The following LIN52 variants were observed in gnomAD, a reference collection of about 807,000 sequenced individuals.
LIN52 encodes lin-52 DREAM MuvB core complex component.
LIN52 carries 4 observed loss-of-function variants against 18.5 expected under a neutral mutation model. That is an observed-to-expected ratio of 0.22 (90% CI 0.11 to 0.49). LIN52 has a LOEUF of 0.49. LIN52 is among the 20% of genes least tolerant of loss of function. LIN52 has a pLI of 0.97. For synonymous variants in LIN52, 34 were observed against 45.5 expected, an observed-to-expected ratio of 0.75 and a Z score of 1.02; for missense variants, 102 against 139.5, an observed-to-expected ratio of 0.73 and a Z score of 1.35.
At chr14:74,179,949 C>A (rs2061311034) in intron 5 of LIN52, among the ~76,000 whole-genome samples, 1 of 152,164 alleles carries the variant, frequency 6.6e-6, no homozygotes, top group Non-Finnish European at 1.5e-5. Flanking sequence ...AACCATGGAT[C>A]CTGTGCTCAA....
At chr14:74,176,821 C>T (rs1471012177) in intron 5 of LIN52, among the ~76,000 whole-genome samples, 1 of 152,192 alleles carries the variant, frequency 6.6e-6, no homozygotes, top group African/African-American at 2.4e-5. Context: ...AACTCCATAT[C>T]CATTTGAGTC....
intron 5 of LIN52, among the ~76,000 whole-genome samples, chr14:74,177,513 C>T (rs1445432080): frequency 6.6e-6 from 1 of 152,170 alleles, no homozygotes; most frequent in Non-Finnish European, 1.5e-5. Flanking sequence ...GTCACTCAAC[C>T]ATTCATTAGT....
chr14:74,130,295 T>TTTC (rs1315000657), intron 5 of LIN52, among the ~76,000 whole-genome samples: 1 of 140,278 alleles, frequency 7.1e-6, no homozygotes, highest in Non-Finnish European at 1.6e-5. Flanking sequence ...TTTTTTTTTT[T>TTTC]TGAGACAGTC....
chr14:74,092,789 C>T (rs2060781922), intron 2 of LIN52, among the ~76,000 whole-genome samples: 1 of 151,526 alleles, frequency 6.6e-6, no homozygotes, highest in Admixed American at 6.6e-5. Context: ...TGGTGGTGCA[C>T]ACCTGCTATC....
At chr14:74,093,704 G>A (rs1166306567) in intron 2 of LIN52, among the ~76,000 whole-genome samples, 7 of 152,168 alleles carry the variant, frequency 4.6e-5, no homozygotes, top group South Asian at 2.1e-4. Flanking sequence ...GATGGCTCAC[G>A]CCTGTAATCC....
chr14:74,107,092 C>T (rs571694759), intron 5 of LIN52, among the ~76,000 whole-genome samples: 12 of 152,292 alleles, frequency 7.9e-5, no homozygotes, highest in East Asian at 1.9e-4. Flanking sequence ...TCTGAAGCTT[C>T]GGGAAATTGT....
At chr14:74,159,446 A>G (rs1340474743) in intron 5 of LIN52, among the ~76,000 whole-genome samples, 2 of 152,182 alleles carry the variant, frequency 1.3e-5, no homozygotes, top group Admixed American at 6.5e-5. Flanking sequence ...TAATGTTACT[A>G]CTTACACAAT....
chr14:74,188,496 C>T (rs1213234825), intron 5 of LIN52, among the ~76,000 whole-genome samples: 2 of 152,102 alleles, frequency 1.3e-5, no homozygotes, highest in East Asian at 3.9e-4. Flanking sequence ...AATCTGTATT[C>T]TTAGGTTGTA....
At position 74,091,240 on chromosome 14, in the gene LIN52, C is replaced by G. The variant is rs761409718; in HGVS notation, c.28C>G (p.Leu10Val). ...TGGATGTTTTGTTCTAGGGACAGAT[C>G]TGGAAGCATCTTTGCTAAGTTTTGA... Reference protein sequence around the residue: MASPTDGTDLEASLLSFEKL... With the variant: MASPTDGTDVEASLLSFEKL... The change falls in exon 2 of 6, where the codon CTG becomes GTG. Residue 10 changes from leucine to valine, a missense_variant. Physicochemically the swap from Leu to Val is conservative, Grantham distance 32. Coordinates refer to ENST00000555028, the MANE Select transcript of LIN52 (RefSeq NM_001024674.3). The G allele has an allele frequency of 1.2e-6, 2 of 1,609,930 alleles. No homozygotes were observed. Among genetic ancestry groups the G allele is most frequent in the Non-Finnish European group, 1.7e-6 (2 of 1,176,624 alleles).
chr14:74,115,411 T>C (rs2060959032), intron 5 of LIN52, among the ~76,000 whole-genome samples: 1 of 152,224 alleles, frequency 6.6e-6, no homozygotes, highest in Non-Finnish European at 1.5e-5. Flanking sequence ...CAAGAAAGTA[T>C]AAATTTAAAT....
chr14:74,121,198 C>G (rs2060997796), intron 5 of LIN52, among the ~76,000 whole-genome samples: 1 of 152,222 alleles, frequency 6.6e-6, no homozygotes, highest in Non-Finnish European at 1.5e-5. Context: ...TATAACCCAA[C>G]AGAAATCAGT....
chr14:74,198,460 G>A (rs1454216577), intron 5 of LIN52, among the ~76,000 whole-genome samples: 1 of 152,198 alleles, frequency 6.6e-6, no homozygotes, highest in Non-Finnish European at 1.5e-5. Context: ...AGTATCCAGG[G>A]ACTAACACTG....
chr14:74,200,288 C>G lies in LIN52; in HGVS notation c.*1311C>G, dbSNP rs1176488231. On this transcript the variant is annotated 3_prime_UTR_variant, in exon 6 of 6. Transcript: ENST00000555028. ...ATTAGCTGGGCATGATGGTGCATGC[C>G]TATAGTCCCAGCTACTTGGGGGCCT... 6.8e-6 allele frequency: 1 copy of G among 146,534 alleles called. No individual in the cohort carries two copies. Among genetic ancestry groups the G allele is most frequent in the African/African-American group, 2.5e-5 (1 of 40,218 alleles). 9.1% of individuals were successfully genotyped at this position (146,534 alleles called of 1,614,324 possible).
intron 5 of LIN52, among the ~76,000 whole-genome samples, chr14:74,152,791 C>G (rs1472342800): frequency 6.6e-6 from 1 of 151,878 alleles, no homozygotes; most frequent in Non-Finnish European, 1.5e-5. Flanking sequence ...GAAACCCCAT[C>G]TCTACTAAAA....
chr14:74,167,029 T>A lies in LIN52; in HGVS notation c.284-31893T>A, dbSNP rs542403680. ...TGGTGCATGCATTCAAGAGTCATAG[T>A]GCAAATCTCATCAAGGCATGTATCC... On this transcript the variant is annotated intron_variant, in intron 5 of 5. Transcript: ENST00000555028. Among the ~76,000 whole-genome samples, 33 of 150,930 alleles carry A rather than the reference T, an allele frequency of 2.2e-4. No homozygotes were observed. The South Asian group carries it at 6.7e-3, about 31-fold the overall frequency.
At chr14:74,119,374 T>C (rs369052927) in intron 5 of LIN52, among the ~76,000 whole-genome samples, 65 of 151,944 alleles carry the variant, frequency 4.3e-4, no homozygotes, top group South Asian at 2.9e-3. Context: ...CTGTGTTAGC[T>C]AGGATGGTCT....
At chr14:74,090,788 T>C (rs2060768175) in intron 1 of LIN52, among the ~76,000 whole-genome samples, 1 of 152,172 alleles carries the variant, frequency 6.6e-6, no homozygotes, top group Non-Finnish European at 1.5e-5. Context: ...CAAACTTTAG[T>C]GACACTGAGA....
intron 5 of LIN52, among the ~76,000 whole-genome samples, chr14:74,105,798 A>T (rs183086120): frequency 4.6e-5 from 7 of 152,352 alleles, no homozygotes; most frequent in Admixed American, 2.0e-4. Flanking sequence ...GAAAGAAAAA[A>T]AATGCAAAAA....
chr14:74,107,008 T>G (rs2060900863), intron 5 of LIN52, among the ~76,000 whole-genome samples: 1 of 152,256 alleles, frequency 6.6e-6, no homozygotes, highest in African/African-American at 2.4e-5. Context: ...TTCAAAATCC[T>G]TTGCATTCTG....
Sources: allele counts gnomAD v4.1 joint callset (sites outside exome capture counted in the v4.1 genomes callset), GRCh38; gene constraint gnomAD v4.1.1; transcripts MANE v1.5; gene names NCBI Gene and HGNC (gene_info 2026-07-23, HGNC 2026-07-21).